Variants in KIF26B observed in about 807,000 individuals in gnomAD.
KIF26B encodes kinesin family member 26B.
Under a neutral mutation model 151.2 loss-of-function variants are expected in KIF26B, and 63 were observed. The ratio of observed to expected loss-of-function variants is 0.42; its 90% confidence interval spans 0.34 to 0.51. The LOEUF (loss-of-function observed/expected upper bound fraction) is 0.51, where lower values mean the gene tolerates loss of function less well. Ranked by LOEUF, KIF26B falls within the 20% of genes least tolerant of loss-of-function variation. The pLI, the probability that KIF26B is intolerant of heterozygous loss-of-function variation, is 0.07. For synonymous variants in KIF26B, 1,357 were observed against 1,262.1 expected (o/e 1.08, Z -1.59); for missense variants, 2,813 against 2,913.6 (o/e 0.97, Z 0.79).
At chr1:245,293,657 C>T (rs1007766136) in intron 2 of KIF26B, among the ~76,000 whole-genome samples, 1 of 151,374 alleles carries the variant, frequency 6.6e-6, no homozygotes, top group Non-Finnish European at 1.5e-5. Flanking sequence ...CCACTCACCG[C>T]AACTTCCACC....
intron 2 of KIF26B, among the ~76,000 whole-genome samples, chr1:245,245,937 A>AAAAAT (rs1670321349): frequency 6.6e-6 from 1 of 150,866 alleles, no homozygotes; most frequent in Admixed American, 6.6e-5. Flanking sequence ...AAAAAAAAAA[A>AAAAAT]AAAAATTAGC....
chr1:245,376,811 C>A (rs756396265), intron 3 of KIF26B, among the ~76,000 whole-genome samples: 1 of 152,200 alleles, frequency 6.6e-6, no homozygotes, highest in Non-Finnish European at 1.5e-5. Context: ...CCTCAGCCTC[C>A]TGAGTAGCTG....
chr1:245,604,019 C>T (rs916168364), intron 6 of KIF26B, among the ~76,000 whole-genome samples: 3 of 152,132 alleles, frequency 2.0e-5, no homozygotes, highest in African/African-American at 7.2e-5. Flanking sequence ...TTGGATTCAC[C>T]CTGGAGCTTT....
rs888403701 is a variant in KIF26B at position 245,516,738 on chromosome 1, C to G, written c.1167-24029C>G. Among the ~76,000 whole-genome samples the G allele has an allele frequency of 6.6e-6, 1 of 152,222 alleles. No homozygotes were observed. Among genetic ancestry groups the G allele is most frequent in the African/African-American group, 2.4e-5 (1 of 41,452 alleles). ...CAAAGCCACAAATCTGAGATGTCAGCTCATAAATCTGTAAGCTCCTTGCTT... is the reference window on the plus strand; with the variant it reads ...CAAAGCCACAAATCTGAGATGTCAGGTCATAAATCTGTAAGCTCCTTGCTT... On this transcript the variant is annotated intron_variant, in intron 4 of 14. Transcript: ENST00000407071. The surrounding 1 kb of genome is among the most constrained non-coding windows in gnomAD (Gnocchi z 4.2).
chr1:245,607,618 T>C, intron 6 of KIF26B, 33 bp from the exon 7 acceptor site: 1 of 1,568,632 alleles, frequency 6.4e-7, no homozygotes, highest in Non-Finnish European at 8.7e-7. Flanking sequence ...GCGAGGTCCA[T>C]TCACGGCTCG....
chr1:245,540,966 G>C lies in KIF26B; in HGVS notation c.1350+16G>C. Reference sequence around the variant, plus strand: ...GCTGGGCAAGGTAGGACCATCCGCCGTCCCTGCCATTTGCCCAGTGTGCGA... The same window carrying C: ...GCTGGGCAAGGTAGGACCATCCGCCCTCCCTGCCATTTGCCCAGTGTGCGA... On this transcript the variant is annotated intron_variant, in intron 5 of 14. Coordinates refer to ENST00000407071, the MANE Select transcript of KIF26B (RefSeq NM_018012.4). The surrounding 1 kb of genome is among the most constrained non-coding windows in gnomAD (Gnocchi z 4.6). 1 of 1,593,834 alleles carries C rather than the reference G, an allele frequency of 6.3e-7. No individual in the cohort carries two copies. Among genetic ancestry groups the C allele is most frequent in the Non-Finnish European group, 8.6e-7 (1 of 1,166,990 alleles).
chr1:245,484,223 T>C (rs1385076946), intron 4 of KIF26B, among the ~76,000 whole-genome samples: 1 of 151,914 alleles, frequency 6.6e-6, no homozygotes, highest in East Asian at 1.9e-4. Context: ...GGTTACACTT[T>C]AACTCACTTT....
At chr1:245,551,056 T>C (rs955184987) in intron 5 of KIF26B, among the ~76,000 whole-genome samples, 2 of 152,158 alleles carry the variant, frequency 1.3e-5, no homozygotes, top group African/African-American at 4.8e-5. Context: ...TATGTAAATA[T>C]ATAATTTTAG....
intron 2 of KIF26B, among the ~76,000 whole-genome samples, chr1:245,250,752 C>T (rs1275023759): frequency 2.0e-5 from 3 of 152,086 alleles, no homozygotes; most frequent in African/African-American, 2.4e-5. Flanking sequence ...TTTCTTTGCC[C>T]GTGTTTTTTC....
At chr1:245,243,445 TATACACACACAC>T (rs1558359016) in intron 2 of KIF26B, among the ~76,000 whole-genome samples, 4 of 146,040 alleles carry the variant, frequency 2.7e-5, no homozygotes, top group Admixed American at 6.9e-5. Context: ...CATATATATA[TATACACACACAC>T]ACACACACAC....
chr1:245,509,927 A>G (rs1460010975), intron 4 of KIF26B, among the ~76,000 whole-genome samples: 1 of 152,092 alleles, frequency 6.6e-6, no homozygotes, highest in East Asian at 1.9e-4. Flanking sequence ...GCTATTACAG[A>G]GCCCCGTCTG....
chr1:245,623,206 G>A (rs2043685176), intron 9 of KIF26B, among the ~76,000 whole-genome samples: 1 of 151,820 alleles, frequency 6.6e-6, no homozygotes, highest in South Asian at 2.1e-4. Flanking sequence ...AAGTTTCCTC[G>A]GGAGCCTTGC....
intron 2 of KIF26B, among the ~76,000 whole-genome samples, chr1:245,270,195 T>TTCCCTTTCTTCTTCCCTTCCTTCTTCC (rs1558369363): frequency 1.4e-5 from 1 of 72,942 alleles, no homozygotes; most frequent in African/African-American, 6.2e-5. Flanking sequence ...TTCCTTCTTC[T>TTCCCTTTCTTCTTCCCTTCCTTCTTCC]TTTCCCTTCC....
intron 4 of KIF26B, among the ~76,000 whole-genome samples, chr1:245,531,025 G>A (rs1484151246): frequency 6.6e-6 from 1 of 152,158 alleles, no homozygotes; most frequent in African/African-American, 2.4e-5. Context: ...TAATAATGTT[G>A]TCTTGTGGTG....
intron 2 of KIF26B, among the ~76,000 whole-genome samples, chr1:245,245,131 T>G (rs1380535872): frequency 2.6e-5 from 4 of 152,208 alleles, no homozygotes; most frequent in Non-Finnish European, 5.9e-5. Flanking sequence ...GTTGCCTGTT[T>G]AGCAGACGGG....
chr1:245,287,580 C>T (rs539259195), intron 2 of KIF26B, among the ~76,000 whole-genome samples: 36 of 151,096 alleles, frequency 2.4e-4, no homozygotes, highest in East Asian at 3.9e-4. Context: ...CTCGGCTCAC[C>T]GCAACCGCCA....
chr1:245,655,344 T>C (rs2044061760), intron 10 of KIF26B, among the ~76,000 whole-genome samples: 1 of 152,242 alleles, frequency 6.6e-6, no homozygotes, highest in Admixed American at 6.5e-5. Context: ...TCTTTCAGAA[T>C]CGTGTAACCC....
intron 5 of KIF26B, among the ~76,000 whole-genome samples, chr1:245,569,453 C>CA (rs2043042929): frequency 6.6e-6 from 1 of 151,904 alleles, no homozygotes; most frequent in Admixed American, 6.6e-5. Context: ...ACAAAAAGTA[C>CA]AAAAAAATTA....
intron 4 of KIF26B, among the ~76,000 whole-genome samples, chr1:245,428,084 C>A (rs1318283389): frequency 5.3e-5 from 8 of 152,180 alleles, no homozygotes; most frequent in Non-Finnish European, 1.5e-5. Flanking sequence ...GCCTCCTTCA[C>A]TGGTGGCCAA....
Sources: gnomAD v4.1 joint callset for allele counts (sites outside exome capture counted in the v4.1 genomes callset) on GRCh38, gnomAD v4.1.1 for gene constraint, Gnocchi (gnomAD v3.1) non-coding constraint, MANE v1.5 for transcripts, NCBI Gene and HGNC (gene_info 2026-07-23, HGNC 2026-07-21) for gene names.